Variants in GRK7 observed in about 807,000 individuals in gnomAD.
The protein encoded by GRK7 is rhodopsin kinase GRK7.
Under a neutral mutation model 34.1 loss-of-function variants are expected in GRK7, and 24 were observed. The ratio of observed to expected loss-of-function variants is 0.70; its 90% CI spans 0.51 to 0.99. The LOEUF (loss-of-function observed/expected upper bound fraction) is 0.99. GRK7 is among the 50% of genes least tolerant of loss of function. The probability of loss-of-function intolerance (pLI) is 0.00; values close to 1 mark genes in which losing one functional copy is unlikely to be tolerated. For missense variants in GRK7, 644 were observed against 707.3 expected, an observed-to-expected ratio of 0.91 and a Z score of 1.02; for synonymous variants, 256 against 279.4, an observed-to-expected ratio of 0.92 and a Z score of 0.84.
In GRK7 at chr3:141,780,524, G is replaced by A. The variant is rs1201019759; in HGVS notation, c.763G>A (p.Ala255Thr). 6.2e-7 allele frequency: 1 copy of A among 1,614,068 alleles called. No individual in the cohort carries two copies. Among genetic ancestry groups the A allele is most frequent in the Non-Finnish European group, 8.5e-7 (1 of 1,180,042 alleles). ...KVSSPFIVSL[A>T]YAFESKTHLC... is the part of the protein sequence containing the mutation. ...CAGCAGCCCTTTCATTGTCTCTCTG[G>A]CCTATGCCTTTGAGAGCAAGACCCA... The change falls in exon 4 of 6, where the codon GCC becomes ACC. Residue 255 changes from alanine to threonine, a missense_variant. By Grantham distance (58) the Ala-to-Thr change is moderately conservative. Transcript: ENST00000682958.
intron 4 of GRK7, among the ~76,000 whole-genome samples, chr3:141,795,586 T>G (rs1257344367): frequency 6.6e-6 from 1 of 152,046 alleles, no homozygotes; most frequent in Non-Finnish European, 1.5e-5. Flanking sequence ...AAGGGGAGTT[T>G]GAACCTATTG....
intron 4 of GRK7, among the ~76,000 whole-genome samples, chr3:141,801,306 G>A (rs59360993): frequency 0.081 from 7,222 of 88,968 alleles, 700 homozygotes; most frequent in African/African-American, 0.27. Context: ...GCGAGACTCC[G>A]TCTCAAAAAA....
In GRK7 at chr3:141,791,613, T is replaced by C. The variant is rs1040259294; in HGVS notation, c.1050+10802T>C. On this transcript the variant is annotated intron_variant, in intron 4 of 5. Transcript: ENST00000682958. Reference sequence around the variant, plus strand: ...TACAGTCTGTAATTACTTTTAACATTCCTTCATCCAAAAGGCATGCCTTTA... The same window carrying C: ...TACAGTCTGTAATTACTTTTAACATCCCTTCATCCAAAAGGCATGCCTTTA... Among the ~76,000 whole-genome samples, 15 of 152,330 alleles carry C rather than the reference T, an allele frequency of 9.8e-5. 1 individual carries two copies. The highest frequency in any genetic ancestry group is 3.6e-4 in the African/African-American group (15 of 41,572).
Position 141,816,922 on chromosome 3 carries a change from G to A in GRK7, c.1534G>A (p.Ala512Thr). 6.2e-7 allele frequency: 1 copy of A among 1,614,100 alleles called. No homozygotes were observed. Among genetic ancestry groups the A allele is most frequent in the Non-Finnish European group, 8.5e-7 (1 of 1,179,986 alleles). The change falls in exon 6 of 6, where the codon GCT becomes ACT. Residue 512 changes from alanine (A) to threonine (T), a missense_variant. By Grantham distance (58) the Ala-to-Thr change is moderately conservative. Coordinates refer to ENST00000682958, the MANE Select transcript of GRK7 (RefSeq NM_139209.3). The stretch of plus-strand genomic sequence containing the variant: ...GTTCTTCAAAAACTTTGCGACAGGT[G>A]CTGTTCCTATAGCATGGCAGGAAGA... ...KQFFKNFATGAVPIAWQEEII... is the reference protein window; with the variant it reads ...KQFFKNFATGTVPIAWQEEII...
At position 141,818,126 on chromosome 3, in the gene GRK7, T is replaced by G. The variant is rs1711171650; in HGVS notation, c.*1076T>G. On this transcript the variant is annotated 3_prime_UTR_variant, in exon 6 of 6. Coordinates refer to ENST00000682958, the MANE Select transcript of GRK7 (RefSeq NM_139209.3). ...CTTGCACACTTTAGTTTCTCACACG[T>G]ATCTTGGGAGCTCGGTCTCTTGGCT... 1 of 152,204 alleles carries G rather than the reference T, an allele frequency of 6.6e-6. No homozygotes were observed. Among genetic ancestry groups the G allele is most frequent in the Non-Finnish European group, 1.5e-5 (1 of 68,052 alleles). 9.4% of individuals were successfully genotyped at this position (152,204 alleles called of 1,614,324 possible).
rs562369633 is a variant in GRK7, at chr3:141,792,182, C to T, written c.1050+11371C>T. Among the ~76,000 whole-genome samples, 16 of 151,920 alleles carry T rather than the reference C, an allele frequency of 1.1e-4. No individual in the cohort carries two copies. In the South Asian group the frequency reaches 3.3e-3, roughly 32 times the overall value. ...CTTTGGGAGGCCGAGGCGGACAGAT[C>T]ACTTGAGGTCAGGAGTTCGAGACCA... On this transcript the variant is annotated intron_variant, in intron 4 of 5. Coordinates refer to ENST00000682958, the MANE Select transcript of GRK7 (RefSeq NM_139209.3).
At position 141,776,808 on chromosome 3, in the gene GRK7, C is replaced by CT. The variant is rs377256053; in HGVS notation, c.-113-1356dup. ...TTTTTCCCCCTCCTTCTCCCTCTCT[C>CT]TTTTTTTTGCTTGTAAACACTTTGG... On this transcript the variant is annotated intron_variant, in intron 2 of 5. Transcript: ENST00000682958. Among the ~76,000 whole-genome samples the CT allele has an allele frequency of 6.7e-3, 900 of 133,864 alleles. 9 individuals are homozygous for CT. The highest frequency in any genetic ancestry group is 0.023 in the African/African-American group (565 of 24,518). 87.8% of individuals were successfully genotyped at this position (133,864 alleles called of 152,430 possible). A position where few individuals can be genotyped will look rare whatever the true frequency, so the allele number is the denominator to read the frequency against.
chr3:141,750,251 C>T, the GRK7 span, among the ~76,000 whole-genome samples: 5 of 152,202 alleles, frequency 3.3e-5, no homozygotes, highest in African/African-American at 4.8e-5. Flanking sequence ...CCTGCTCCTT[C>T]ATCTTATCTG....
At chr3:141,797,658 G>A (rs116486025) in intron 4 of GRK7, among the ~76,000 whole-genome samples, 419 of 152,224 alleles carry the variant, frequency 2.8e-3, no homozygotes, top group African/African-American at 9.7e-3. Flanking sequence ...AGAGGCATCC[G>A]CGGGCGATTT....
intron 1 of GRK7, among the ~76,000 whole-genome samples, chr3:141,767,929 T>TTAGAC (rs1389431757): frequency 1.3e-5 from 2 of 152,198 alleles, no homozygotes; most frequent in African/African-American, 4.8e-5. Flanking sequence ...CAGGAAGAGC[T>TTAGAC]TAGACTAGGT....
At chr3:141,770,103 CG>C in intron 1 of GRK7, among the ~76,000 whole-genome samples, 1 of 152,196 alleles carries the variant, frequency 6.6e-6, no homozygotes, top group Admixed American at 6.5e-5. Context: ...TTAGTAAAGA[CG>C]GGGTTTCACC....
At chr3:141,768,426 C>T (rs944288003) in intron 1 of GRK7, among the ~76,000 whole-genome samples, 26 of 152,000 alleles carry the variant, frequency 1.7e-4, no homozygotes, top group African/African-American at 5.8e-4. Context: ...TACAGGCACC[C>T]ACCACCACAC....
Position 141,816,819 on chromosome 3 carries a change from G to A in GRK7, c.1431G>A (p.Val477=), listed in dbSNP as rs1396839612. ...IEPPFVPDPS[V]VYAKDIAEID... is the part of the protein sequence containing the mutation. ...CCCCATTTGTGCCAGACCCTTCAGT[G>A]GTTTATGCCAAAGACATCGCTGAAA... Residue 477 remains valine (V), a synonymous_variant, in exon 6 of 6, where the codon GTG becomes GTA. Transcript: ENST00000682958. 2.5e-6 allele frequency: 4 copies of A among 1,613,352 alleles called. No homozygotes were observed. Among genetic ancestry groups the A allele is most frequent in the Non-Finnish European group, 3.4e-6 (4 of 1,179,574 alleles).
intron 4 of GRK7, among the ~76,000 whole-genome samples, chr3:141,798,764 G>A (rs1209920889): frequency 1.3e-5 from 2 of 152,330 alleles, no homozygotes; most frequent in Non-Finnish European, 2.9e-5. Context: ...AGGCTGCAAT[G>A]GAATGTGGGT....
Position 141,778,732 on chromosome 3 carries a change from G to C in GRK7, c.448G>C (p.Ala150Pro). ...AGAGCGAGTGGCTGCAGTGACGCTGGCCAAGGCTGAGGCCATGGCTTTCTT... is the reference window on the plus strand; with the variant it reads ...AGAGCGAGTGGCTGCAGTGACGCTGCCCAAGGCTGAGGCCATGGCTTTCTT... ...EEERVAAVTL[A>P]KAEAMAFLQE... Residue 150 changes from alanine to proline, a missense_variant, in exon 3 of 6, where the codon GCC becomes CCC. Ala to Pro is a conservative substitution (Grantham distance 27, BLOSUM62 -1). Coordinates refer to ENST00000682958, the MANE Select transcript of GRK7 (RefSeq NM_139209.3). The surrounding 1 kb of genome is among the most constrained non-coding windows in gnomAD (Gnocchi z 4.1). The C allele has an allele frequency of 6.2e-7, 1 of 1,611,654 alleles. No individual in the cohort carries two copies. The highest frequency in any genetic ancestry group is 8.5e-7 in the Non-Finnish European group (1 of 1,178,542).
At chr3:141,787,066 C>T (rs1455504345) in intron 4 of GRK7, among the ~76,000 whole-genome samples, 1 of 152,144 alleles carries the variant, frequency 6.6e-6, no homozygotes, top group Non-Finnish European at 1.5e-5. Flanking sequence ...ATTCTGCCAT[C>T]ACCACATACA....
intron 4 of GRK7, among the ~76,000 whole-genome samples, 174 bp downstream of exon 4, chr3:141,780,985 C>T (rs192491522): frequency 6.6e-6 from 1 of 152,266 alleles, no homozygotes; most frequent in Admixed American, 6.5e-5. Context: ...GGATTAGATT[C>T]ATTGGCTATT....
chr3:141,773,722 G>A (rs957106635), intron 1 of GRK7, among the ~76,000 whole-genome samples: 14 of 152,104 alleles, frequency 9.2e-5, no homozygotes, highest in Non-Finnish European at 1.9e-4. Flanking sequence ...CCTGATGGTC[G>A]TGATTTAAAA....
chr3:141,815,731 G>GTA (rs1711145927), intron 5 of GRK7, among the ~76,000 whole-genome samples: 1 of 151,902 alleles, frequency 6.6e-6, no homozygotes, highest in Admixed American at 6.6e-5. Context: ...GTGTGTGTGT[G>GTA]TGATCACTGG....
Sources: gnomAD v4.1 joint callset for allele counts (sites outside exome capture counted in the v4.1 genomes callset) on GRCh38, gnomAD v4.1.1 for gene constraint, Gnocchi (gnomAD v3.1) non-coding constraint, MANE v1.5 for transcripts, NCBI Gene and HGNC (gene_info 2026-07-23, HGNC 2026-07-21) for gene names.